Variants in BUD13 observed in about 807,000 individuals in gnomAD.
BUD13 encodes BUD13 homolog.
In BUD13, 47 loss-of-function variants were observed where a neutral mutation model predicts 62.5. The ratio of observed to expected loss-of-function variants is 0.75; its 90% CI spans 0.60 to 0.96. The LOEUF is 0.96. BUD13 is among the 40% of genes least tolerant of loss of function. The pLI is 0.00. For synonymous variants in BUD13, 293 were observed against 280.1 expected (o/e 1.05, Z -0.46); for missense variants, 821 against 790.9 (o/e 1.04, Z -0.46).
At position 116,749,651 on chromosome 11, in the gene BUD13, T is replaced by C. The variant is rs558100120; in HGVS notation, c.1767-1076A>G. The stretch of plus-strand genomic sequence containing the variant: ...CAAAGGGAACAGCCATGAGTCAAAG[T>C]TGGAAAGGCGCAGAGGCCAATGCAT... On this transcript the variant is annotated intron_variant, in intron 9 of 9. Transcript: ENST00000260210. Among the ~76,000 whole-genome samples the C allele has an allele frequency of 5.9e-4, 90 of 152,032 alleles. 1 individual carries two copies. The highest frequency in any genetic ancestry group is 2.4e-4 in the Non-Finnish European group (16 of 67,996).
chr11:116,759,083 C>T lies in BUD13; in HGVS notation c.1351G>A (p.Ala451Thr). The T allele has an allele frequency of 2.5e-6, 4 of 1,613,536 alleles. No individual in the cohort carries two copies. Among genetic ancestry groups the T allele is most frequent in the Admixed American group, 1.7e-5 (1 of 59,982 alleles). The change falls in exon 6 of 10, where the codon GCA becomes ACA. Residue 451 changes from alanine (A) to threonine (T), a missense_variant. Transcript: ENST00000260210. The part of the protein sequence containing the change: ...ELKEQDQETM[A>T]FEAEFQYAET... ...ACTTTCATATTTTTACCTTCAAATG[C>T]CATGGTTTCTTGATCCTGTTCCTTG...
chr11:116,751,211 T>G (rs1565310513), intron 9 of BUD13, among the ~76,000 whole-genome samples: 1 of 152,234 alleles, frequency 6.6e-6, no homozygotes, highest in Non-Finnish European at 1.5e-5. Context: ...GCTCCTGGGC[T>G]CAGGGGCTAT....
intron 1 of BUD13, among the ~76,000 whole-genome samples, chr11:116,771,585 T>G (rs982173788): frequency 4.6e-5 from 7 of 152,188 alleles, no homozygotes; most frequent in Non-Finnish European, 1.0e-4. Context: ...ATGAAACACC[T>G]TGCCCAAGGG....
chr11:116,758,888 G>A (rs1228583263), intron 6 of BUD13, among the ~76,000 whole-genome samples, 186 bp downstream of exon 6: 1 of 151,998 alleles, frequency 6.6e-6, no homozygotes, highest in Non-Finnish European at 1.5e-5. Context: ...CACCGCGCCT[G>A]GGCGAAATGG....
At chr11:116,772,065 T>C (rs1439415048) in intron 1 of BUD13, among the ~76,000 whole-genome samples, 1 of 152,218 alleles carries the variant, frequency 6.6e-6, no homozygotes, top group Non-Finnish European at 1.5e-5. Flanking sequence ...TTGCTGTGTC[T>C]GTATCCATAC....
In BUD13 at chr11:116,763,226, G is replaced by GT. The variant is rs1305624801; in HGVS notation, c.362dup (p.His121GlnfsTer9). On this transcript the variant is annotated frameshift_variant, in exon 4 of 10. Transcript: ENST00000260210. LOFTEE classifies it high-confidence loss of function. ...TCCTAGGAGATGAATCCGGGGTATC[G>GT]TGACGAAAATGTCTGTTTGAGGGTA... The GT allele has an allele frequency of 6.4e-7, 1 of 1,552,774 alleles. No individual in the cohort carries two copies. The highest frequency in any genetic ancestry group is 8.7e-7 in the Non-Finnish European group (1 of 1,150,292).
chr11:116,760,747 A>G lies in BUD13; in HGVS notation c.1242T>C (p.Pro414=), dbSNP rs760697657. The change falls in exon 5 of 10, where the codon CCT becomes CCC. Residue 414 remains proline, a synonymous_variant. Coordinates refer to ENST00000260210, the MANE Select transcript of BUD13 (RefSeq NM_032725.4). ...TGAAAATCCTGACCTTCTTTCCAGG[A>G]GGCTGACTCCTTCGAGGCGGGGACA... is the stretch of plus-strand genomic sequence containing the variant. ...SDLSPPRRSQ[P]PGKKAAHMYS... 1.2e-6 allele frequency: 2 copies of G among 1,614,148 alleles called. No individual in the cohort carries two copies. Among genetic ancestry groups the G allele is most frequent in the South Asian group, 2.2e-5 (2 of 91,088 alleles).
At chr11:116,764,943 C>G (rs773392940) in intron 3 of BUD13, among the ~76,000 whole-genome samples, 2 of 152,100 alleles carry the variant, frequency 1.3e-5, no homozygotes, top group African/African-American at 4.8e-5. Context: ...ACAAACAGAA[C>G]AAAATACACT....
At chr11:116,766,975 C>G (rs1177920166) in intron 2 of BUD13, among the ~76,000 whole-genome samples, 1 of 149,806 alleles carries the variant, frequency 6.7e-6, no homozygotes, top group Non-Finnish European at 1.5e-5. Flanking sequence ...ATTGCTTGAG[C>G]CCAGGAGTTC....
rs754433001 is a variant in BUD13 at position 116,762,582 on chromosome 11, A to G, written c.1007T>C (p.Phe336Ser). Reference protein sequence around the residue: ...PPRKKQAKSHFGDKKQLDSKG... With the variant: ...PPRKKQAKSHSGDKKQLDSKG... The stretch of plus-strand genomic sequence containing the variant: ...GGAATCAAGCTGCTTCTTGTCTCCA[A>G]AATGGGATTTTGCTTGCTTTTTTCG... Residue 336 changes from phenylalanine (F) to serine (S), a missense_variant, in exon 4 of 10, where the codon TTT (phenylalanine) becomes TCT (serine). This residue lies in a region of BUD13 where 800 missense variants were observed against 739.2 expected (regional missense o/e 1.08). Coordinates refer to ENST00000260210, the MANE Select transcript of BUD13 (RefSeq NM_032725.4). The G allele has an allele frequency of 1.5e-5, 24 of 1,612,466 alleles. No homozygotes were observed. The highest frequency in any genetic ancestry group is 1.6e-4 in the Middle Eastern group (1 of 6,074).
At chr11:116,754,774 T>A (rs758627373) in intron 9 of BUD13, among the ~76,000 whole-genome samples, 1 of 152,144 alleles carries the variant, frequency 6.6e-6, no homozygotes, top group Non-Finnish European at 1.5e-5. Context: ...ACAAAAAGCA[T>A]CTAGATTGTA....
At chr11:116,758,927 G>T (rs1228486592) in intron 6 of BUD13, 147 bp downstream of exon 6, 6 of 639,604 alleles carry the variant, frequency 9.4e-6, no homozygotes, top group Non-Finnish European at 1.6e-5. Flanking sequence ...GAAGCACTGG[G>T]ATTCACTGAG....
At chr11:116,770,057 A>G in intron 2 of BUD13, 72 bp downstream of exon 2, 1 of 191,430 alleles carries the variant, frequency 5.2e-6, no homozygotes, top group Non-Finnish European at 7.8e-6. Context: ...ACTCCGTCTC[A>G]AAAAAAAAAA....
At chr11:116,750,262 C>A (rs866541782) in intron 9 of BUD13, among the ~76,000 whole-genome samples, 2 of 152,108 alleles carry the variant, frequency 1.3e-5, no homozygotes, top group African/African-American at 4.8e-5. Flanking sequence ...GAGAAAAGAA[C>A]CAGGAGTAGG....
At position 116,765,223 on chromosome 11, in the gene BUD13, C is replaced by T. The variant is rs937542430; in HGVS notation, c.322+139G>A. ...TCTTACTACCTCTGAAGAAGTCCAACTTCCTTTTTCCTGCTTTATTTTTCA... is the reference window on the plus strand; with the variant it reads ...TCTTACTACCTCTGAAGAAGTCCAATTTCCTTTTTCCTGCTTTATTTTTCA... On this transcript the variant is annotated intron_variant, in intron 3 of 9. Transcript: ENST00000260210. 10 of 847,678 alleles carry T rather than the reference C, an allele frequency of 1.2e-5. No individual in the cohort carries two copies. The South Asian group carries it at 1.4e-4, about 12-fold the overall frequency. The allele number at this position is 847,678 out of a possible 1,614,324, so 52.5% of individuals were successfully genotyped here. A position where few individuals can be genotyped will look rare whatever the true frequency, so the allele number is the denominator to read the frequency against.
chr11:116,753,281 G>A (rs964837074), intron 9 of BUD13, among the ~76,000 whole-genome samples: 1 of 152,086 alleles, frequency 6.6e-6, no homozygotes, highest in Admixed American at 6.5e-5. Flanking sequence ...TGGAAGAGAA[G>A]GAACTACAAA....
intron 2 of BUD13, among the ~76,000 whole-genome samples, 164 bp downstream of exon 2, chr11:116,769,965 G>A (rs180735689): frequency 5.1e-4 from 77 of 151,448 alleles, no homozygotes; most frequent in African/African-American, 1.7e-3. Flanking sequence ...GCTGAGGCAG[G>A]AGAATCATCT....
At position 116,758,946 on chromosome 11, in the gene BUD13, A is replaced by G. The variant is rs566777261; in HGVS notation, c.1360+128T>C. On this transcript the variant is annotated intron_variant, in intron 6 of 9. Coordinates refer to ENST00000260210, the MANE Select transcript of BUD13 (RefSeq NM_032725.4). Reference sequence around the variant, plus strand: ...CACTGGGATTCACTGAGAAATTACAACAATGCATAAAACCAGAGCTGAAAT... The same window carrying G: ...CACTGGGATTCACTGAGAAATTACAGCAATGCATAAAACCAGAGCTGAAAT... 5.3e-5 allele frequency: 37 copies of G among 693,360 alleles called. No individual in the cohort carries two copies. In the African/African-American group the frequency reaches 6.1e-4, roughly 11 times the overall value. 43.0% of individuals were successfully genotyped at this position (693,360 alleles called of 1,614,324 possible).
At position 116,770,206 on chromosome 11, in the gene BUD13, C is replaced by T; in HGVS notation, c.160G>A (p.Asp54Asn). The change falls in exon 2 of 10, where the codon GAT (aspartate) becomes AAT (asparagine). Residue 54 changes from aspartate to asparagine, a missense_variant. Asp to Asn is a conservative substitution (Grantham distance 23). Coordinates refer to ENST00000260210, the MANE Select transcript of BUD13 (RefSeq NM_032725.4). ...GAGATAGCTGTCCAGCTCACATCAT[C>T]ATCCACAATCCGCATTCTAAATGAG... ...AGGKGMRIVD[D>N]DVSWTAISTT... The T allele has an allele frequency of 6.2e-7, 1 of 1,612,274 alleles. No homozygotes were observed. Among genetic ancestry groups the T allele is most frequent in the Non-Finnish European group, 8.5e-7 (1 of 1,179,408 alleles).
Sources: allele counts gnomAD v4.1 joint callset (sites outside exome capture counted in the v4.1 genomes callset), GRCh38; gene constraint gnomAD v4.1.1; regional missense constraint gnomAD v4.1.1; transcripts MANE v1.5; gene names NCBI Gene and HGNC (gene_info 2026-07-23, HGNC 2026-07-21).